The following KDM5A variants were observed in gnomAD, a reference collection of about 807,000 sequenced individuals.
KDM5A encodes lysine-specific demethylase 5A.
Under a neutral mutation model 193.5 loss-of-function variants are expected in KDM5A, and 42 were observed. The observed-to-expected ratio is 0.22, with a 90% CI of 0.17 to 0.28. The LOEUF (loss-of-function observed/expected upper bound fraction) is 0.28. KDM5A is among the 10% of genes least tolerant of loss of function. The pLI is 1.00. For synonymous variants in KDM5A, 796 were observed against 718.1 expected (o/e 1.11, Z -1.73); for missense variants, 1,692 against 2,055.1 (o/e 0.82, Z 3.42).
chr12:345,900 A>T (rs955223127), intron 10 of KDM5A, among the ~76,000 whole-genome samples: 3 of 152,232 alleles, frequency 2.0e-5, no homozygotes, highest in Non-Finnish European at 2.9e-5. Context: ...AGCAGAAGGC[A>T]AGAAATAACT....
At chr12:296,419 T>C (rs1367534165) in intron 25 of KDM5A, among the ~76,000 whole-genome samples, 1 of 152,146 alleles carries the variant, frequency 6.6e-6, no homozygotes, top group East Asian at 1.9e-4. Flanking sequence ...AATCTCTCCA[T>C]TTTAGAGTAT....
At chr12:387,237 A>G (rs1410960479) in intron 1 of KDM5A, 1 of 367,152 alleles carries the variant, frequency 2.7e-6, no homozygotes, top group Non-Finnish European at 5.2e-6. Context: ...AAAAAAAAAA[A>G]AAAGTCTTAC....
intron 14 of KDM5A, among the ~76,000 whole-genome samples, chr12:327,467 T>C (rs1034235544): frequency 2.0e-5 from 3 of 152,166 alleles, no homozygotes; most frequent in Admixed American, 6.5e-5. Context: ...CCCAACACTT[T>C]AGGAGGCCAA....
At chr12:376,770 A>AG (rs1489426753) in intron 3 of KDM5A, among the ~76,000 whole-genome samples, 1 of 152,192 alleles carries the variant, frequency 6.6e-6, no homozygotes, top group South Asian at 2.1e-4. Context: ...TCTACTTAAA[A>AG]GCTCCCTCTA....
rs1943206908 is a variant in KDM5A, at chr12:285,330, G to A, written c.*126C>T. The A allele has an allele frequency of 7.6e-6, 6 of 785,874 alleles. No individual in the cohort carries two copies. Among genetic ancestry groups the A allele is most frequent in the Admixed American group, 2.1e-5 (1 of 46,778 alleles). 48.7% of individuals were successfully genotyped at this position (785,874 alleles called of 1,614,324 possible). Reference sequence around the variant, plus strand: ...TGCAAAGAGGAAGCCAGCACTAAGGGGACTTTCTCTGAAGGCCATTCATCT... The same window carrying A: ...TGCAAAGAGGAAGCCAGCACTAAGGAGACTTTCTCTGAAGGCCATTCATCT... On this transcript the variant is annotated 3_prime_UTR_variant, in exon 28 of 28. Coordinates refer to ENST00000399788, the MANE Select transcript of KDM5A (RefSeq NM_001042603.3).
In KDM5A at chr12:289,757, G is replaced by T. The variant is rs182165244; in HGVS notation, c.4866+3002C>A. Among the ~76,000 whole-genome samples, 3 of 151,482 alleles carry T rather than the reference G, an allele frequency of 2.0e-5. No individual in the cohort carries two copies. The East Asian group carries it at 5.8e-4, about 29-fold the overall frequency. Reference sequence around the variant, plus strand: ...AAAATTTAATCTGCATATTTTGGGGGAAAAGTCCCAGTAATTATTAGTTAG... The same window carrying T: ...AAAATTTAATCTGCATATTTTGGGGTAAAAGTCCCAGTAATTATTAGTTAG... On this transcript the variant is annotated intron_variant, in intron 27 of 27. Coordinates refer to ENST00000399788, the MANE Select transcript of KDM5A (RefSeq NM_001042603.3).
intron 3 of KDM5A, among the ~76,000 whole-genome samples, chr12:381,720 G>T (rs774199810): frequency 6.6e-6 from 1 of 152,064 alleles, no homozygotes; most frequent in African/African-American, 2.4e-5. Flanking sequence ...GTATTTTAGC[G>T]TAAGACCGTA....
Position 322,396 on chromosome 12 carries a change from T to C in KDM5A, c.2426+21A>G, listed in dbSNP as rs769507810. ...AAAGAAACAGGAAAACACTGGAGAA[T>C]TAAACTCTTCTTAGGTTTACCTGTG... On this transcript the variant is annotated intron_variant, in intron 17 of 27. Transcript: ENST00000399788. 1.3e-5 allele frequency: 21 copies of C among 1,607,736 alleles called. No individual in the cohort carries two copies. In the South Asian group the frequency reaches 2.3e-4, roughly 18 times the overall value.
Position 281,499 on chromosome 12 carries a change from T to C in KDM5A, c.*3957A>G. 1 of 233,144 alleles carries C rather than the reference T, an allele frequency of 4.3e-6. No individual in the cohort carries two copies. The highest frequency in any genetic ancestry group is 8.5e-6 in the Non-Finnish European group (1 of 118,014). 14.4% of individuals were successfully genotyped at this position (233,144 alleles called of 1,614,324 possible). A position where few individuals can be genotyped will look rare whatever the true frequency, so the allele number is the denominator to read the frequency against. On this transcript the variant is annotated 3_prime_UTR_variant, in exon 28 of 28. Transcript: ENST00000399788. ...CTCATACTACAGTAGGAGATACCAC[T>C]TGGGACATTCATATCCAAAGAAGTA...
intron 27 of KDM5A, chr12:286,351 A>T: frequency 2.8e-6 from 1 of 351,198 alleles, no homozygotes; most frequent in Non-Finnish European, 5.6e-6. Context: ...TCAAACTTTG[A>T]CCCTTCTGAC....
intron 27 of KDM5A, among the ~76,000 whole-genome samples, chr12:287,301 G>C (rs937681227): frequency 2.0e-5 from 3 of 152,122 alleles, no homozygotes; most frequent in African/African-American, 7.2e-5. Context: ...TTTTTAATCA[G>C]CTCCCAAGTG....
At chr12:349,619 C>T (rs187297644) in intron 10 of KDM5A, among the ~76,000 whole-genome samples, 10 of 151,950 alleles carry the variant, frequency 6.6e-5, no homozygotes, top group Admixed American at 3.3e-4. Context: ...TGAGCCACCA[C>T]GCCCATCCTG....
At chr12:289,644 G>A in intron 27 of KDM5A, among the ~76,000 whole-genome samples, 1 of 145,286 alleles carries the variant, frequency 6.9e-6, no homozygotes, top group East Asian at 2.0e-4. Context: ...GAGCCCAGGA[G>A]ATCAAGGCTG....
Position 388,933 on chromosome 12 carries a change from CG to C in KDM5A, c.158del (p.Pro53ArgfsTer13). The C allele has an allele frequency of 6.2e-7, 1 of 1,614,230 alleles. No homozygotes were observed. The highest frequency in any genetic ancestry group is 8.5e-7 in the Non-Finnish European group (1 of 1,180,036). Reference protein sequence around the residue: ...AEKTGICKIRPPKDWQPPFAC... With the variant: ...AEKTGICKIRXPKDWQPPFAC... ...TCTTCACAGACTGAGGTACCTTGGG[CG>C]GCCGAATTTTGCAGATGCCGGTTTT... is the stretch of plus-strand genomic sequence containing the variant. On this transcript the variant is annotated frameshift_variant, in exon 1 of 28. Transcript: ENST00000399788. LOFTEE classifies it high-confidence loss of function.
rs944862755 is a variant in KDM5A, at chr12:323,354, G to C, written c.2151-148C>G. The C allele has an allele frequency of 1.3e-5, 14 of 1,081,922 alleles. No homozygotes were observed. In the Middle Eastern group the frequency reaches 9.2e-4, roughly 71 times the overall value. The allele number at this position is 1,081,922 out of a possible 1,614,324, so 67.0% of individuals were successfully genotyped here. A position where few individuals can be genotyped will look rare whatever the true frequency, so the allele number is the denominator to read the frequency against. On this transcript the variant is annotated intron_variant, in intron 15 of 27. Coordinates refer to ENST00000399788, the MANE Select transcript of KDM5A (RefSeq NM_001042603.3). ...GGAATGGGATCTTAGTTCACATAAA[G>C]AGAAAATCAAACCAGCCCACACTTC...
At chr12:351,778 G>A (rs868847268) in intron 9 of KDM5A, among the ~76,000 whole-genome samples, 131 of 152,052 alleles carry the variant, frequency 8.6e-4, no homozygotes, top group African/African-American at 2.8e-3. Flanking sequence ...AGACCAGCCT[G>A]GGCGACAGAG....
chr12:378,451 G>A (rs1305434060), intron 3 of KDM5A, among the ~76,000 whole-genome samples: 1 of 151,940 alleles, frequency 6.6e-6, no homozygotes, highest in Admixed American at 6.6e-5. Flanking sequence ...GTAGAGACGG[G>A]GTCTCCCTAT....
chr12:295,762 C>T lies in KDM5A; in HGVS notation c.4266G>A (p.Lys1422=), dbSNP rs1460797929. The T allele has an allele frequency of 1.9e-6, 3 of 1,614,066 alleles. No individual in the cohort carries two copies. The highest frequency in any genetic ancestry group is 1.1e-5 in the South Asian group (1 of 91,074). The part of the protein sequence containing the change: ...GSSTPRKQPR[K]SPLVPRSLEP... ...CCAAACTTCGGGGCACCAAAGGGCT[C>T]TTCCGAGGTTGTTTCCTTGGGGTGC... The change falls in exon 26 of 28, where the codon AAG becomes AAA. Residue 1422 remains lysine (K), a synonymous_variant. Coordinates refer to ENST00000399788, the MANE Select transcript of KDM5A (RefSeq NM_001042603.3).
chr12:339,994 G>C (rs2137433522), intron 10 of KDM5A, among the ~76,000 whole-genome samples: 1 of 151,536 alleles, frequency 6.6e-6, no homozygotes, highest in African/African-American at 2.4e-5. Flanking sequence ...TCCCACCTCA[G>C]CCTCACAAGC....
Sources: allele counts gnomAD v4.1 joint callset (sites outside exome capture counted in the v4.1 genomes callset), GRCh38; gene constraint gnomAD v4.1.1; transcripts MANE v1.5; gene names NCBI Gene and HGNC (gene_info 2026-07-23, HGNC 2026-07-21).